The following HEPH variants were observed in gnomAD, a reference collection of about 807,000 sequenced individuals.
The protein encoded by HEPH is hephaestin.
In HEPH, 69 loss-of-function variants were observed where a neutral mutation model predicts 80.8. The observed-to-expected ratio is 0.85, with a 90% CI of 0.70 to 1.04. The LOEUF is 1.04. HEPH is among the 50% of genes least tolerant of loss of function. The probability of loss-of-function intolerance (pLI) is 0.00; values close to 1 mark genes in which losing one functional copy is unlikely to be tolerated. For synonymous variants in HEPH, 431 were observed against 322.8 expected (o/e 1.34, Z -3.60); for missense variants, 1,115 against 891.3 (o/e 1.25, Z -3.20).
chrX:66,222,148 A>G (rs1335848893), intron 15 of HEPH, among the ~76,000 whole-genome samples: 2 of 113,113 alleles, frequency 1.8e-5, no homozygotes, highest in South Asian at 3.6e-4. Context: ...GCATCCTTTC[A>G]GGTCTCCAAG....
chrX:66,240,063 G>A (rs2090512479), intron 15 of HEPH, among the ~76,000 whole-genome samples: 1 of 112,028 alleles, frequency 8.9e-6, no homozygotes, highest in South Asian at 3.7e-4. Flanking sequence ...TGAAAGGGAA[G>A]TAAAAATAAC....
intron 12 of HEPH, among the ~76,000 whole-genome samples, chrX:66,202,775 G>A (rs908457490): frequency 9.2e-6 from 1 of 109,248 alleles, no homozygotes; most frequent in Non-Finnish European, 1.9e-5. Flanking sequence ...CATTGAATAT[G>A]TTCTATACTA....
Position 66,256,151 on chromosome X carries a change from G to T in HEPH, c.2717G>T (p.Gly906Val). 1 of 1,211,267 alleles carries T rather than the reference G, an allele frequency of 8.3e-7. No individual in the cohort carries two copies. Among genetic ancestry groups the T allele is most frequent in the Non-Finnish European group, 1.1e-6 (1 of 895,096 alleles). ...LVGPLAICQK[G>V]ILEPHGGRSD... ...GGGCCCTTGGCTATCTGCCAAAAGG[G>T]CATCCTGGAGCCCCATGGAGGACGG... The change falls in exon 17 of 21, where the codon GGC (glycine) becomes GTC (valine). Residue 906 changes from glycine (G) to valine (V), a missense_variant. This residue lies in a region of HEPH where 716 missense variants were observed against 523.5 expected (regional missense o/e 1.37). Transcript: ENST00000343002.
At chrX:66,250,484 G>C (rs759593794) in intron 15 of HEPH, among the ~76,000 whole-genome samples, 1 of 111,197 alleles carries the variant, frequency 9.0e-6, no homozygotes, top group Admixed American at 9.6e-5. Flanking sequence ...CCGCAATCAG[G>C]AATTAGAGCA....
At chrX:66,224,233 A>G (rs749549340) in intron 15 of HEPH, among the ~76,000 whole-genome samples, 1 of 111,722 alleles carries the variant, frequency 9.0e-6, no homozygotes, top group South Asian at 3.7e-4. Flanking sequence ...ACTTTTGTTG[A>G]AAACCTTGTA....
In HEPH at chrX:66,258,904, C is replaced by T. The variant is rs754276428; in HGVS notation, c.2961C>T (p.Ala987=). ...CCATGTACCAAGGAGAACGAGTGGC[C>T]TGGTACATGCTGGCCATGGGCCAAG... The part of the protein sequence containing the change: ...GLTMYQGERV[A]WYMLAMGQDV... Residue 987 remains alanine, a synonymous_variant, in exon 18 of 21, where the codon GCC becomes GCT. Coordinates refer to ENST00000343002, the MANE Select transcript of HEPH (RefSeq NM_001367233.3). 3 of 1,195,269 alleles carry T rather than the reference C, an allele frequency of 2.5e-6. No individual in the cohort carries two copies. The highest frequency in any genetic ancestry group is 1.8e-5 in the African/African-American group (1 of 56,705).
At chrX:66,199,957 G>C (rs948848544) in intron 11 of HEPH, among the ~76,000 whole-genome samples, 11 of 109,383 alleles carry the variant, frequency 1.0e-4, no homozygotes, top group African/African-American at 3.7e-4. Context: ...GTATGGAAGA[G>C]GATGGGAGGA....
intron 4 of HEPH, among the ~76,000 whole-genome samples, chrX:66,188,081 G>A (rs1231993260): frequency 9.0e-6 from 1 of 111,180 alleles, no homozygotes; most frequent in African/African-American, 3.3e-5. Context: ...AATGTGGTCA[G>A]GTTCAGGCCC....
Position 66,203,533 on chromosome X carries a change from C to G in HEPH, c.2247C>G (p.Asp749Glu), listed in dbSNP as rs759008542. The G allele has an allele frequency of 8.3e-7, 1 of 1,210,028 alleles. No homozygotes were observed. Among genetic ancestry groups the G allele is most frequent in the African/African-American group, 1.7e-5 (1 of 57,206 alleles). ...AEEVEWDYCP[D>E]RSWEREWHNQ... ...AAGTAGAGTGGGACTATTGCCCTGA[C>G]CGGAGCTGGGAACGGGAATGGCACA... Residue 749 changes from aspartate to glutamate, a missense_variant, in exon 13 of 21, where the codon GAC becomes GAG. Around this residue, in one of 3 missense-constraint regions of HEPH, gnomAD observed 716 missense variants for 523.5 expected, o/e 1.37. Coordinates refer to ENST00000343002, the MANE Select transcript of HEPH (RefSeq NM_001367233.3).
intron 15 of HEPH, among the ~76,000 whole-genome samples, chrX:66,219,149 G>A (rs1465892367): frequency 2.7e-5 from 3 of 112,044 alleles, no homozygotes; most frequent in Admixed American, 9.4e-5. Context: ...AACTAAGGTA[G>A]CAATGAAGCT....
At chrX:66,259,271 G>C (rs2091279476) in intron 18 of HEPH, among the ~76,000 whole-genome samples, 1 of 111,796 alleles carries the variant, frequency 8.9e-6, no homozygotes, top group African/African-American at 3.3e-5. Flanking sequence ...GACTCAATGA[G>C]CAGTGATTTT....
chrX:66,205,285 G>A (rs1299653609), intron 13 of HEPH, among the ~76,000 whole-genome samples: 1 of 111,614 alleles, frequency 9.0e-6, no homozygotes, highest in African/African-American at 3.3e-5. Context: ...AATTTCTATT[G>A]TTGCCATCTT....
Position 66,171,356 on chromosome X carries a change from G to T in HEPH, c.167+619G>T, listed in dbSNP as rs138214978. On this transcript the variant is annotated intron_variant, in intron 2 of 20. Transcript: ENST00000343002. ...TATCCAAGTCCTATAACTAGTAAAT[G>T]AAAAAGATAGGATTTGAACCTCGAT... 373 of 155,298 alleles carry T rather than the reference G, an allele frequency of 2.4e-3. 3 individuals carry two copies. Among genetic ancestry groups the T allele is most frequent in the African/African-American group, 0.011 (348 of 31,239 alleles). The allele number at this position is 155,298 out of a possible 1,213,427, so 12.8% of individuals were successfully genotyped here.
At chrX:66,253,521 T>C (rs1177442212) in intron 15 of HEPH, among the ~76,000 whole-genome samples, 1 of 112,461 alleles carries the variant, frequency 8.9e-6, no homozygotes, top group Non-Finnish European at 1.9e-5. Flanking sequence ...CTGGTGAGAA[T>C]GCAAAATGGT....
intron 17 of HEPH, 106 bp downstream of exon 17, chrX:66,256,436 C>A: frequency 1.8e-6 from 1 of 550,251 alleles, no homozygotes; most frequent in Non-Finnish European, 2.9e-6. Flanking sequence ...CCAGAGAGGA[C>A]ACGAACATGG....
Position 66,189,822 on chromosome X carries a change from G to A in HEPH, c.947G>A (p.Arg316His), listed in dbSNP as rs774281827. 20 of 1,208,540 alleles carry A rather than the reference G, an allele frequency of 1.7e-5. No individual in the cohort carries two copies. The highest frequency in any genetic ancestry group is 2.3e-4 in the Middle Eastern group (1 of 4,348). The change falls in exon 6 of 21, where the codon CGT becomes CAT. Residue 316 changes from arginine to histidine, a missense_variant. Physicochemically the swap from Arg to His is conservative, Grantham distance 29. Transcript: ENST00000343002. Reference sequence around the variant, plus strand: ...TTCCATGGACAGATGCTGACTACCCGTGGACACCACACTGATGTGGCTAAC... The same window carrying A: ...TTCCATGGACAGATGCTGACTACCCATGGACACCACACTGATGTGGCTAAC... ...AFFHGQMLTT[R>H]GHHTDVANIF...
chrX:66,216,524 G>A (rs1303688928), intron 15 of HEPH, among the ~76,000 whole-genome samples: 1 of 112,096 alleles, frequency 8.9e-6, no homozygotes, highest in Admixed American at 9.4e-5. Context: ...AAAGGGGAGA[G>A]CACCACATCC....
intron 1 of HEPH, among the ~76,000 whole-genome samples, chrX:66,168,572 A>C (rs1274296817): frequency 8.9e-6 from 1 of 111,829 alleles, no homozygotes; most frequent in African/African-American, 3.2e-5. Flanking sequence ...ATAATATGGA[A>C]TCTAGGGATT....
At chrX:66,170,368 C>T (rs2086542120) in intron 1 of HEPH, 190 bp from the exon 2 acceptor site, 2 of 388,334 alleles carry the variant, frequency 5.2e-6, no homozygotes, top group South Asian at 1.1e-4. Flanking sequence ...TTAACTATGC[C>T]CTTCAAAATC....
Sources: gnomAD v4.1 joint callset for allele counts (sites outside exome capture counted in the v4.1 genomes callset) on GRCh38, gnomAD v4.1.1 for gene constraint, gnomAD v4.1.1 regional missense constraint, MANE v1.5 for transcripts, NCBI Gene and HGNC (gene_info 2026-07-23, HGNC 2026-07-21) for gene names.